PPM1L: variants seen among roughly 807,000 people sequenced by gnomAD.
PPM1L encodes protein phosphatase 1L.
PPM1L carries 13 observed loss-of-function variants against 31.4 expected under a neutral mutation model. The ratio of observed to expected loss-of-function variants is 0.41; its 90% CI spans 0.27 to 0.66. The LOEUF (loss-of-function observed/expected upper bound fraction) is 0.66. Ranked by LOEUF, PPM1L falls within the 30% of genes least tolerant of loss-of-function variation. The pLI is 0.29. For missense variants in PPM1L, 326 were observed against 453.7 expected (o/e 0.72, Z 2.56); for synonymous variants, 184 against 175.4 (o/e 1.05, Z -0.39).
Position 160,947,490 on chromosome 3 carries a change from A to T in PPM1L, c.400-14246A>T, listed in dbSNP as rs536351545. On this transcript the variant is annotated intron_variant, in intron 1 of 3. Transcript: ENST00000498165. The stretch of plus-strand genomic sequence containing the variant: ...ATCATTTTTTAGATCTTGGCTTTAC[A>T]TCACTCTCTCAGGAAACCCTCTTCT... Among the ~76,000 whole-genome samples the T allele has an allele frequency of 3.3e-4, 50 of 152,094 alleles. 1 individual carries two copies. In the South Asian group the frequency reaches 8.9e-3, roughly 27 times the overall value.
At chr3:160,971,530 G>A (rs1716342910) in intron 2 of PPM1L, among the ~76,000 whole-genome samples, 1 of 152,214 alleles carries the variant, frequency 6.6e-6, no homozygotes, top group African/African-American at 2.4e-5. Context: ...GGGGACGGTA[G>A]ATGTGCAGAG....
intron 1 of PPM1L, among the ~76,000 whole-genome samples, chr3:160,875,833 A>C (rs756351537): frequency 4.6e-5 from 7 of 152,214 alleles, no homozygotes; most frequent in Non-Finnish European, 8.8e-5. Context: ...ACCGTCATGC[A>C]GAATGGCTAT....
At chr3:160,957,178 A>G (rs1250054226) in intron 1 of PPM1L, among the ~76,000 whole-genome samples, 1 of 152,228 alleles carries the variant, frequency 6.6e-6, no homozygotes, top group African/African-American at 2.4e-5. Flanking sequence ...TTCCTGTGTT[A>G]CTTTGCTAAG....
chr3:160,912,871 A>G (rs963166464), intron 1 of PPM1L, among the ~76,000 whole-genome samples: 4 of 152,174 alleles, frequency 2.6e-5, no homozygotes, highest in Non-Finnish European at 1.5e-5. Context: ...TCCAGTGAAG[A>G]AAGGGGGAGA....
At chr3:160,920,589 TCTCTC>T in intron 1 of PPM1L, among the ~76,000 whole-genome samples, 1 of 19,188 alleles carries the variant, frequency 5.2e-5, no homozygotes, top group Non-Finnish European at 1.5e-4. Context: ...ATTTAGTTTC[TCTCTC>T]TCTCTCTCTC....
chr3:160,817,855 T>C (rs1713042889), intron 1 of PPM1L, among the ~76,000 whole-genome samples: 3 of 151,840 alleles, frequency 2.0e-5, no homozygotes, highest in Admixed American at 2.0e-4. Context: ...GAGGTGACAA[T>C]TGGCCAGATA....
At chr3:160,814,040 C>T (rs1029297745) in intron 1 of PPM1L, among the ~76,000 whole-genome samples, 12 of 152,138 alleles carry the variant, frequency 7.9e-5, no homozygotes, top group African/African-American at 2.4e-4. Context: ...GGCGTTTTAT[C>T]TTTTAAAAAC....
intron 1 of PPM1L, among the ~76,000 whole-genome samples, chr3:160,787,194 T>G (rs1258029769): frequency 6.6e-6 from 1 of 152,232 alleles, no homozygotes; most frequent in Non-Finnish European, 1.5e-5. Flanking sequence ...CTTTCCACAG[T>G]GGCTGAACTA....
intron 1 of PPM1L, among the ~76,000 whole-genome samples, chr3:160,950,967 TA>T (rs1018807932): frequency 6.6e-6 from 1 of 152,244 alleles, no homozygotes; most frequent in Non-Finnish European, 1.5e-5. Flanking sequence ...ATTTTATCAG[TA>T]ATTAACCATA....
intron 1 of PPM1L, among the ~76,000 whole-genome samples, chr3:160,871,864 A>C (rs1034150265): frequency 1.3e-5 from 2 of 151,696 alleles, no homozygotes; most frequent in Non-Finnish European, 2.9e-5. Flanking sequence ...TATGGTTCAC[A>C]TTGTAATTCA....
chr3:160,808,888 A>G (rs1037217831), intron 1 of PPM1L, among the ~76,000 whole-genome samples: 1 of 152,052 alleles, frequency 6.6e-6, no homozygotes, highest in East Asian at 1.9e-4. Context: ...GGGGCATTCT[A>G]CCTTCCTGGT....
intron 2 of PPM1L, among the ~76,000 whole-genome samples, chr3:161,012,318 A>G (rs1028471178): frequency 7.2e-5 from 11 of 152,154 alleles, no homozygotes; most frequent in Admixed American, 5.9e-4. Context: ...GCTGGATTCC[A>G]TTTATTGATT....
chr3:160,948,958 T>G (rs1452544040), intron 1 of PPM1L, among the ~76,000 whole-genome samples: 3 of 152,104 alleles, frequency 2.0e-5, no homozygotes, highest in Non-Finnish European at 2.9e-5. Flanking sequence ...TTTTCACCTG[T>G]TAGTGAGCCT....
chr3:160,820,612 A>G (rs981028218), intron 1 of PPM1L, among the ~76,000 whole-genome samples: 3 of 152,018 alleles, frequency 2.0e-5, no homozygotes, highest in Non-Finnish European at 4.4e-5. Flanking sequence ...ATAGTATTGT[A>G]TGGTCTTAAA....
intron 1 of PPM1L, among the ~76,000 whole-genome samples, chr3:160,936,983 G>A (rs986793249): frequency 6.6e-6 from 1 of 152,172 alleles, no homozygotes; most frequent in Non-Finnish European, 1.5e-5. Flanking sequence ...GTTTAATTGA[G>A]AGAATACATC....
At chr3:161,018,855 A>C (rs756707617) in intron 2 of PPM1L, among the ~76,000 whole-genome samples, 5 of 152,198 alleles carry the variant, frequency 3.3e-5, no homozygotes, top group Admixed American at 1.3e-4. Context: ...TCTGGAGGGA[A>C]AAACATTTGG....
chr3:160,814,618 C>T lies in PPM1L; in HGVS notation c.399+57911C>T, dbSNP rs1712926767. Among the ~76,000 whole-genome samples, 3 of 139,446 alleles carry T rather than the reference C, an allele frequency of 2.2e-5. No homozygotes were observed. The South Asian group carries it at 6.7e-4, about 31-fold the overall frequency. 91.5% of individuals were successfully genotyped at this position (139,446 alleles called of 152,430 possible). On this transcript the variant is annotated intron_variant, in intron 1 of 3. Coordinates refer to ENST00000498165, the MANE Select transcript of PPM1L (RefSeq NM_139245.4). ...ATGTATGTATGTGTATATATATACA[C>T]ACACATATGTATGTATGTGTATATA...
chr3:160,776,240 A>C (rs557869963), intron 1 of PPM1L, among the ~76,000 whole-genome samples: 1 of 152,318 alleles, frequency 6.6e-6, no homozygotes, highest in African/African-American at 2.4e-5. Context: ...AAATTAGAGT[A>C]ACTGAGTTCT....
At chr3:160,844,352 A>C (rs1380768696) in intron 1 of PPM1L, among the ~76,000 whole-genome samples, 1 of 152,158 alleles carries the variant, frequency 6.6e-6, no homozygotes, top group East Asian at 1.9e-4. Context: ...TTCCATGGGC[A>C]AAAAGGGACT....
Sources: allele counts gnomAD v4.1 joint callset (sites outside exome capture counted in the v4.1 genomes callset), GRCh38; gene constraint gnomAD v4.1.1; transcripts MANE v1.5; gene names NCBI Gene and HGNC (gene_info 2026-07-23, HGNC 2026-07-21).